The following PTPN12 variants were observed in gnomAD, a reference collection of about 807,000 sequenced individuals.
PTPN12 encodes the protein protein tyrosine phosphatase non-receptor type 12.
In PTPN12, 29 loss-of-function variants were observed where a neutral mutation model predicts 97.6. The observed-to-expected ratio is 0.30, with a 90% confidence interval of 0.22 to 0.41. The LOEUF is 0.41. PTPN12 is among the 10% of genes least tolerant of loss of function. The pLI is 1.00. For synonymous variants in PTPN12, 327 were observed against 300.4 expected (o/e 1.09, Z -0.91); for missense variants, 819 against 926.0 (o/e 0.88, Z 1.50).
At chr7:77,625,472 G>GCTTGCGCGCGCTCTCT (rs1554326598) in intron 12 of PTPN12, among the ~76,000 whole-genome samples, 1 of 33,530 alleles carries the variant, frequency 3.0e-5, no homozygotes, top group African/African-American at 1.3e-4. Flanking sequence ...CAGGCTGCTC[G>GCTTGCGCGCGCTCTCT]CTCTCTCTCT....
intron 13 of PTPN12, among the ~76,000 whole-genome samples, chr7:77,630,430 A>T (rs904975951): frequency 7.2e-5 from 11 of 152,222 alleles, no homozygotes; most frequent in African/African-American, 2.7e-4. Context: ...ACACAAACCT[A>T]GATGGTATAG....
chr7:77,569,149 C>G (rs1200006538), intron 1 of PTPN12, among the ~76,000 whole-genome samples: 1 of 152,104 alleles, frequency 6.6e-6, no homozygotes, highest in African/African-American at 2.4e-5. Flanking sequence ...ATTTCCCTTC[C>G]CCACAGACAC....
At position 77,541,887 on chromosome 7, in the gene PTPN12, G is replaced by T. The variant is rs529388475; in HGVS notation, c.99+4242G>T. ...ACATGCTAATTTTGCTAATAAATTAGCAAATAGCTAATTTGTGGCTGATCC... is the reference window on the plus strand; with the variant it reads ...ACATGCTAATTTTGCTAATAAATTATCAAATAGCTAATTTGTGGCTGATCC... On this transcript the variant is annotated intron_variant, in intron 1 of 17. Transcript: ENST00000248594. Among the ~76,000 whole-genome samples, 5 of 152,258 alleles carry T rather than the reference G, an allele frequency of 3.3e-5. No homozygotes were observed. In the East Asian group the frequency reaches 5.8e-4, roughly 18 times the overall value.
chr7:77,630,820 A>G (rs1424915778), intron 13 of PTPN12, among the ~76,000 whole-genome samples: 1 of 152,250 alleles, frequency 6.6e-6, no homozygotes, highest in Non-Finnish European at 1.5e-5. Context: ...ATGATTTGCA[A>G]AAGCCTATAT....
At position 77,539,243 on chromosome 7, in the gene PTPN12, C is replaced by T. The variant is rs151156911; in HGVS notation, c.99+1598C>T. Among the ~76,000 whole-genome samples, 99 of 152,158 alleles carry T rather than the reference C, an allele frequency of 6.5e-4. No individual in the cohort carries two copies. In the South Asian group the frequency reaches 6.7e-3, roughly 10 times the overall value. ...CTAGCATCGTTGAGCTTTGTGATTC[C>T]CGCCTCCCCAGACCAATAATAGAGG... On this transcript the variant is annotated intron_variant, in intron 1 of 17. Coordinates refer to ENST00000248594, the MANE Select transcript of PTPN12 (RefSeq NM_002835.4).
intron 1 of PTPN12, among the ~76,000 whole-genome samples, chr7:77,557,714 A>G (rs916871508): frequency 3.3e-5 from 5 of 152,192 alleles, no homozygotes; most frequent in African/African-American, 4.8e-5. Flanking sequence ...GAGCTTCTAT[A>G]TATCAATTAA....
At chr7:77,559,766 A>AT (rs34395471) in intron 1 of PTPN12, among the ~76,000 whole-genome samples, 33,525 of 152,162 alleles carry the variant, frequency 0.22, 4,721 homozygotes, top group East Asian at 0.7. Context: ...ATCAATGTCT[A>AT]TTACGTCTAG....
Position 77,537,546 on chromosome 7 carries a change from G to C in PTPN12, c.-1G>C, listed in dbSNP as rs764659934. The C allele has an allele frequency of 6.3e-7, 1 of 1,592,714 alleles. No individual in the cohort carries two copies. The highest frequency in any genetic ancestry group is 8.5e-7 in the Non-Finnish European group (1 of 1,171,490). ...GACCGCAGCCGGGGGGACGCGGGAG[G>C]ATGGAGCAAGTGGAGATCCTGAGGA... On this transcript the variant is annotated 5_prime_UTR_variant, in exon 1 of 18. Coordinates refer to ENST00000248594, the MANE Select transcript of PTPN12 (RefSeq NM_002835.4).
At chr7:77,562,875 G>A (rs1346776800) in intron 1 of PTPN12, among the ~76,000 whole-genome samples, 3 of 148,782 alleles carry the variant, frequency 2.0e-5, no homozygotes, top group Non-Finnish European at 4.4e-5. Context: ...TAGGGAAAGG[G>A]TAAACTTGCA....
Position 77,569,974 on chromosome 7 carries a change from C to T in PTPN12, c.100-1104C>T, listed in dbSNP as rs149355897. 1.4e-3 allele frequency among the ~76,000 whole-genome samples: 209 copies of T among 152,190 alleles called. 1 individual carries two copies. The highest frequency in any genetic ancestry group is 2.4e-3 in the Non-Finnish European group (165 of 68,012). ...TACAAGTGTGAGCCACCATGCTCGG[C>T]CCCCACTTGCTTTTGAATACAGTTT... is the stretch of plus-strand genomic sequence containing the variant. On this transcript the variant is annotated intron_variant, in intron 1 of 17. Coordinates refer to ENST00000248594, the MANE Select transcript of PTPN12 (RefSeq NM_002835.4).
intron 12 of PTPN12, among the ~76,000 whole-genome samples, chr7:77,625,522 T>TCC (rs1467887165): frequency 2.2e-5 from 1 of 44,752 alleles, no homozygotes; most frequent in Non-Finnish European, 4.6e-5. Context: ...TCTCTCTCTC[T>TCC]CACTCTCACT....
At position 77,565,809 on chromosome 7, in the gene PTPN12, A is replaced by G. The variant is rs573242352; in HGVS notation, c.100-5269A>G. The stretch of plus-strand genomic sequence containing the variant: ...AATTTTGTTTGTATCAAAAATTCTA[A>G]GTATTAAAAATGTTTCTCTGACTTG... On this transcript the variant is annotated intron_variant, in intron 1 of 17. Coordinates refer to ENST00000248594, the MANE Select transcript of PTPN12 (RefSeq NM_002835.4). Among the ~76,000 whole-genome samples the G allele has an allele frequency of 1.2e-3, 182 of 152,360 alleles. 3 individuals carry two copies. The highest frequency in any genetic ancestry group is 4.2e-3 in the African/African-American group (176 of 41,588).
chr7:77,621,540 G>A (rs1788938028), intron 12 of PTPN12, among the ~76,000 whole-genome samples: 1 of 151,970 alleles, frequency 6.6e-6, no homozygotes. Flanking sequence ...GTTGTGGCGG[G>A]CACCTGTAGT....
chr7:77,590,639 C>A (rs1787837412), intron 5 of PTPN12, among the ~76,000 whole-genome samples: 1 of 151,602 alleles, frequency 6.6e-6, no homozygotes, highest in Non-Finnish European at 1.5e-5. Context: ...CAGCTCTTTG[C>A]AACCTGCATC....
At chr7:77,619,668 C>G (rs1584201946) in intron 12 of PTPN12, among the ~76,000 whole-genome samples, 1 of 152,162 alleles carries the variant, frequency 6.6e-6, no homozygotes, top group South Asian at 2.1e-4. Flanking sequence ...TCTGAAAATA[C>G]TTTACTTCAT....
intron 8 of PTPN12, among the ~76,000 whole-genome samples, chr7:77,604,667 AG>A (rs1788302647): frequency 6.6e-6 from 1 of 152,070 alleles, no homozygotes; most frequent in South Asian, 2.1e-4. Context: ...TTGTCCATTG[AG>A]ATATTTGTAC....
chr7:77,625,599 T>C (rs1191275772), intron 12 of PTPN12, among the ~76,000 whole-genome samples: 1 of 119,562 alleles, frequency 8.4e-6, no homozygotes, highest in African/African-American at 3.4e-5. Context: ...GGAGACAGTC[T>C]TGCTCTGTCG....
At chr7:77,624,309 T>A (rs1398408125) in intron 12 of PTPN12, among the ~76,000 whole-genome samples, 1 of 152,022 alleles carries the variant, frequency 6.6e-6, no homozygotes, top group African/African-American at 2.4e-5. Context: ...TGAACAGATA[T>A]AGGAATATCT....
intron 2 of PTPN12, among the ~76,000 whole-genome samples, chr7:77,575,139 A>AT (rs1295312828): frequency 6.6e-6 from 1 of 151,936 alleles, no homozygotes; most frequent in Non-Finnish European, 1.5e-5. Flanking sequence ...TGGCCTGGAA[A>AT]TTTATATTGA....
Sources: gnomAD v4.1 joint callset for allele counts (sites outside exome capture counted in the v4.1 genomes callset) on GRCh38, gnomAD v4.1.1 for gene constraint, MANE v1.5 for transcripts, NCBI Gene and HGNC (gene_info 2026-07-23, HGNC 2026-07-21) for gene names.